L3MBTL4: variants seen among roughly 807,000 people sequenced by gnomAD.
The protein encoded by L3MBTL4 is lethal(3)malignant brain tumor-like protein 4.
A neutral mutation model predicts 84.5 loss-of-function variants in L3MBTL4; 70 were observed. That is an observed-to-expected ratio of 0.83 (90% confidence interval 0.68 to 1.01). The LOEUF is 1.01. Ranked by LOEUF, L3MBTL4 falls within the 50% of genes least tolerant of loss-of-function variation. The probability of loss-of-function intolerance (pLI) is 0.00; values close to 1 mark genes in which losing one functional copy is unlikely to be tolerated. For synonymous variants in L3MBTL4, 274 were observed against 259.8 expected, an observed-to-expected ratio of 1.05 and a Z score of -0.52; for missense variants, 715 against 754.8, an observed-to-expected ratio of 0.95 and a Z score of 0.62.
At chr18:6,236,919 G>T (rs1034651990) in intron 10 of L3MBTL4, among the ~76,000 whole-genome samples, 12 of 152,146 alleles carry the variant, frequency 7.9e-5, no homozygotes, top group Middle Eastern at 6.8e-3. Flanking sequence ...TGAATCATTT[G>T]AATCAAAACA....
At chr18:6,137,515 T>A (rs2060059036) in intron 14 of L3MBTL4, among the ~76,000 whole-genome samples, 1 of 152,218 alleles carries the variant, frequency 6.6e-6, no homozygotes, top group Non-Finnish European at 1.5e-5. Flanking sequence ...ACAGTAAACT[T>A]TTCTATGTTT....
intron 1 of L3MBTL4, among the ~76,000 whole-genome samples, chr18:6,362,147 G>T: frequency 1.4e-5 from 1 of 70,832 alleles, no homozygotes; most frequent in Admixed American, 1.3e-4. Flanking sequence ...GAGGGGAGGG[G>T]AGGGGGGGAA....
At chr18:6,118,184 C>G (rs576948782) in intron 14 of L3MBTL4, among the ~76,000 whole-genome samples, 2 of 149,598 alleles carry the variant, frequency 1.3e-5, no homozygotes, top group East Asian at 2.0e-4. Context: ...CTCTCTCTCT[C>G]TCTCTGTCTC....
At chr18:6,410,782 T>G (rs1301367848) in intron 1 of L3MBTL4, among the ~76,000 whole-genome samples, 1 of 152,216 alleles carries the variant, frequency 6.6e-6, no homozygotes, top group Non-Finnish European at 1.5e-5. Context: ...CACACTTTTA[T>G]CATTTCACAT....
rs948173934 is a variant in L3MBTL4, at chr18:6,035,217, C to T, written c.1444+45664G>A. 6.2e-4 allele frequency among the ~76,000 whole-genome samples: 94 copies of T among 150,980 alleles called. 1 individual carries two copies. Among genetic ancestry groups the T allele is most frequent in the African/African-American group, 2.2e-3 (90 of 41,454 alleles). ...CTTTTGCTGTTTTAGACATGAAGTC[C>T]TTGCCCATGCCTATGTCCTGAATGG... On this transcript the variant is annotated intron_variant, in intron 16 of 18. Transcript: ENST00000317931.
intron 13 of L3MBTL4, among the ~76,000 whole-genome samples, chr18:6,163,266 G>GGGGT (rs1190742481): frequency 2.1e-5 from 2 of 96,374 alleles, no homozygotes; most frequent in East Asian, 2.9e-4. Flanking sequence ...GTGTGGGGGG[G>GGGGT]GGGTGGGTGT....
intron 13 of L3MBTL4, among the ~76,000 whole-genome samples, chr18:6,146,582 G>A (rs2042663753): frequency 6.6e-6 from 1 of 152,214 alleles, no homozygotes; most frequent in African/African-American, 2.4e-5. Flanking sequence ...GTGTGAGCAA[G>A]CCTGATGGAG....
In L3MBTL4 at chr18:5,956,102, A is replaced by AT; in HGVS notation, c.*117_*118insA. 1.1e-6 allele frequency: 1 copy of AT among 873,672 alleles called. No homozygotes were observed. The highest frequency in any genetic ancestry group is 1.8e-6 in the Non-Finnish European group (1 of 554,250). 54.1% of individuals were successfully genotyped at this position (873,672 alleles called of 1,614,324 possible). On this transcript the variant is annotated 3_prime_UTR_variant, in exon 19 of 19. Transcript: ENST00000317931. ...ATGTAAACAAATCACAGACACTTTA[A>AT]AAAGTCCAGATTCAGTGTGGATACG...
intron 16 of L3MBTL4, chr18:6,031,814 T>G (rs1391217066): frequency 4.3e-6 from 3 of 700,498 alleles, no homozygotes; most frequent in Middle Eastern, 7.1e-4. Context: ...ATTCATGGTT[T>G]TTTTTTTTTT....
chr18:6,238,145 T>C, intron 9 of L3MBTL4, 105 bp from the exon 10 acceptor site: 1 of 987,610 alleles, frequency 1.0e-6, no homozygotes, highest in South Asian at 1.3e-5. Flanking sequence ...CAGAAAACAG[T>C]ACTTCATAGC....
intron 1 of L3MBTL4, among the ~76,000 whole-genome samples, chr18:6,392,567 G>A (rs2055101052): frequency 6.6e-6 from 1 of 152,046 alleles, no homozygotes; most frequent in Non-Finnish European, 1.5e-5. Context: ...TAAATAAATA[G>A]TGCTGGGAAA....
At chr18:6,302,014 G>A (rs2050361724) in intron 3 of L3MBTL4, 57 bp from the exon 4 acceptor site, 1 of 1,323,614 alleles carries the variant, frequency 7.6e-7, no homozygotes, top group South Asian at 1.2e-5. Flanking sequence ...TGGAAACACT[G>A]AAAACTAATG....
At chr18:6,112,594 T>C (rs1466262831) in intron 14 of L3MBTL4, among the ~76,000 whole-genome samples, 4 of 152,186 alleles carry the variant, frequency 2.6e-5, no homozygotes, top group Admixed American at 6.6e-5. Context: ...AGGATGTCCC[T>C]ATTTTAAAAT....
At chr18:6,264,730 G>A (rs1221538673) in intron 4 of L3MBTL4, among the ~76,000 whole-genome samples, 1 of 152,170 alleles carries the variant, frequency 6.6e-6, no homozygotes, top group Non-Finnish European at 1.5e-5. Flanking sequence ...GTTGCAGTGA[G>A]CCGAGATCGC....
At chr18:6,398,426 C>T (rs2055366439) in intron 1 of L3MBTL4, among the ~76,000 whole-genome samples, 1 of 152,102 alleles carries the variant, frequency 6.6e-6, no homozygotes, top group Non-Finnish European at 1.5e-5. Flanking sequence ...GAGCATCATC[C>T]CATCCTGGGT....
chr18:6,152,523 T>G (rs2042940625), intron 13 of L3MBTL4, among the ~76,000 whole-genome samples: 1 of 152,226 alleles, frequency 6.6e-6, no homozygotes, highest in Admixed American at 6.5e-5. Context: ...ATGGCCCTGC[T>G]GTCCATCTGT....
intron 16 of L3MBTL4, among the ~76,000 whole-genome samples, chr18:6,016,318 G>C (rs920016618): frequency 6.6e-6 from 1 of 152,160 alleles, no homozygotes; most frequent in Non-Finnish European, 1.5e-5. Context: ...ATACTGGGAC[G>C]CCAACTACAA....
chr18:6,144,317 C>T (rs2042557950), intron 13 of L3MBTL4, among the ~76,000 whole-genome samples: 1 of 151,822 alleles, frequency 6.6e-6, no homozygotes, highest in Non-Finnish European at 1.5e-5. Flanking sequence ...TGTCTGAAAT[C>T]CCTCTCTGAT....
intron 1 of L3MBTL4, among the ~76,000 whole-genome samples, chr18:6,384,872 G>C (rs141626097): frequency 6.6e-6 from 1 of 152,258 alleles, no homozygotes; most frequent in Non-Finnish European, 1.5e-5. Flanking sequence ...AAGAGCAAGA[G>C]GTATGCCATG....
Sources: gnomAD v4.1 joint callset for allele counts (sites outside exome capture counted in the v4.1 genomes callset) on GRCh38, gnomAD v4.1.1 for gene constraint, MANE v1.5 for transcripts, NCBI Gene and HGNC (gene_info 2026-07-23, HGNC 2026-07-21) for gene names.